The following PHACTR2 variants were observed in gnomAD, a reference collection of about 807,000 sequenced individuals.
The protein encoded by PHACTR2 is chromosome 6 open reading frame 56.
A neutral mutation model predicts 76.0 loss-of-function variants in PHACTR2; 30 were observed. The ratio of observed to expected loss-of-function variants is 0.39; its 90% CI spans 0.30 to 0.54. PHACTR2 has a LOEUF of 0.54. Among genes scored for constraint, PHACTR2 ranks in the 20% least tolerant of loss-of-function variants. PHACTR2 has a pLI of 0.61. For synonymous variants in PHACTR2, 292 were observed against 292.5 expected (o/e 1.00, Z 0.02); for missense variants, 696 against 781.1 (o/e 0.89, Z 1.30).
intron 1 of PHACTR2, among the ~76,000 whole-genome samples, chr6:143,563,697 T>C (rs1775317048): frequency 6.6e-6 from 1 of 151,972 alleles, no homozygotes; most frequent in Non-Finnish European, 1.5e-5. Flanking sequence ...TTCCTAACAT[T>C]AAAATATATT....
At chr6:143,741,622 G>A (rs897967690) in intron 2 of PHACTR2, among the ~76,000 whole-genome samples, 2 of 152,124 alleles carry the variant, frequency 1.3e-5, no homozygotes, top group Non-Finnish European at 2.9e-5. Flanking sequence ...CAGATTTCTG[G>A]GTGAAATTGC....
At position 143,788,756 on chromosome 6, in the gene PHACTR2, T is replaced by C. The variant is rs749801705; in HGVS notation, c.1708-17T>C. 1 of 1,602,476 alleles carries C rather than the reference T, an allele frequency of 6.2e-7. No homozygotes were observed. The highest frequency in any genetic ancestry group is 8.5e-7 in the Non-Finnish European group (1 of 1,171,524). ...AGTGGTTTACTGAACTCTGCCTTTT[T>C]CCTTGTCCTCCTGCAGCTCAGCCTG... is the stretch of plus-strand genomic sequence containing the variant. On this transcript the variant is annotated splice_polypyrimidine_tract_variant and intron_variant, in intron 10 of 12. Transcript: ENST00000440869.
At chr6:143,778,804 A>G (rs1295513684) in intron 9 of PHACTR2, among the ~76,000 whole-genome samples, 1 of 152,188 alleles carries the variant, frequency 6.6e-6, no homozygotes, top group African/African-American at 2.4e-5. Context: ...AAAAGGGAAG[A>G]GCACATTTTG....
intron 1 of PHACTR2, among the ~76,000 whole-genome samples, chr6:143,572,984 A>G (rs1775464460): frequency 6.6e-6 from 1 of 152,284 alleles, no homozygotes; most frequent in Non-Finnish European, 1.5e-5. Flanking sequence ...AAAATAAAAA[A>G]TGAAATGTTT....
rs1775073344 is a variant in PHACTR2, at chr6:143,550,169, A to G, written c.217+12962A>G. On this transcript the variant is annotated intron_variant, in intron 1 of 11. Coordinates refer to the PHACTR2 transcript ENST00000367584. This position sits in a 1 kb window ranked among gnomAD's most constrained non-coding sequence, Gnocchi z 4.8. ...ATGTAGCATTTCTCATATCTAATGT[A>G]GACTTTCTCATACACATTCTAACAT... Among the ~76,000 whole-genome samples the G allele has an allele frequency of 1.3e-5, 2 of 152,060 alleles. 1 individual carries two copies. Among genetic ancestry groups the G allele is most frequent in the Non-Finnish European group, 2.9e-5 (2 of 67,966 alleles).
rs1776076524 is a variant in PHACTR2 at position 143,806,828 on chromosome 6, A to G, written c.1846-229A>G. Among the ~76,000 whole-genome samples the G allele has an allele frequency of 6.6e-6, 1 of 152,048 alleles. No individual in the cohort carries two copies. The highest frequency in any genetic ancestry group is 1.5e-5 in the Non-Finnish European group (1 of 68,000). The stretch of plus-strand genomic sequence containing the variant: ...AAAAATTAGCTGAGCATGGTGGCGC[A>G]CACCTGTAATCCGAGCTACTGGGAA... On this transcript the variant is annotated intron_variant, in intron 11 of 12. Transcript: ENST00000440869. The surrounding 1 kb of genome is among the most constrained non-coding windows in gnomAD (Gnocchi z 5.8).
rs1037958379 is a variant in PHACTR2, at chr6:143,764,898, C to G, written c.695-363C>G. On this transcript the variant is annotated intron_variant, in intron 5 of 12. Transcript: ENST00000440869. The surrounding 1 kb of genome is among the most constrained non-coding windows in gnomAD (Gnocchi z 4.7). ...GCTACACCCAGCTAGCTGCTGATGTCTGTCCTTTACGCACCATAACATTCC... is the reference window on the plus strand; with the variant it reads ...GCTACACCCAGCTAGCTGCTGATGTGTGTCCTTTACGCACCATAACATTCC... Among the ~76,000 whole-genome samples the G allele has an allele frequency of 2.6e-5, 4 of 152,196 alleles. No individual in the cohort carries two copies. The highest frequency in any genetic ancestry group is 5.9e-5 in the Non-Finnish European group (4 of 68,032).
chr6:143,717,185 T>G lies in PHACTR2; in HGVS notation c.214+5002T>G, dbSNP rs1324049984. Among the ~76,000 whole-genome samples the G allele has an allele frequency of 3.3e-5, 5 of 152,166 alleles. No homozygotes were observed. In the East Asian group the frequency reaches 9.6e-4, roughly 29 times the overall value. Reference sequence around the variant, plus strand: ...CTTCTTGGTCCCTTGGCTTTTCTTCTTGCTCTCTCCTGTTCCTATGAGCAC... The same window carrying G: ...CTTCTTGGTCCCTTGGCTTTTCTTCGTGCTCTCTCCTGTTCCTATGAGCAC... On this transcript the variant is annotated intron_variant, in intron 2 of 12. Coordinates refer to ENST00000440869, the MANE Select transcript of PHACTR2 (RefSeq NM_001100164.2).
rs191123213 is a variant in PHACTR2, at chr6:143,591,997, T to G, written c.217+54790T>G. Among the ~76,000 whole-genome samples, 492 of 152,262 alleles carry G rather than the reference T, an allele frequency of 3.2e-3. 1 individual carries two copies. Among genetic ancestry groups the G allele is most frequent in the Non-Finnish European group, 5.5e-3 (372 of 68,012 alleles). ...AGCCTGGGCATGGCTGTTTGTGGGT[T>G]GTGTTGACAGAAGTGCATTTGTGGA... On this transcript the variant is annotated intron_variant, in intron 1 of 11. Coordinates refer to the PHACTR2 transcript ENST00000367584. The surrounding 1 kb of genome is among the most constrained non-coding windows in gnomAD (Gnocchi z 6.4).
intron 2 of PHACTR2, among the ~76,000 whole-genome samples, chr6:143,715,474 A>G (rs746312778): frequency 1.3e-5 from 2 of 152,212 alleles, no homozygotes; most frequent in Non-Finnish European, 2.9e-5. Context: ...CCTGATGGGT[A>G]GCACTATTTG....
intron 9 of PHACTR2, among the ~76,000 whole-genome samples, chr6:143,781,951 G>T (rs1562305388): frequency 6.6e-6 from 1 of 152,102 alleles, no homozygotes; most frequent in Non-Finnish European, 1.5e-5. Context: ...GAAGAACATA[G>T]AAACTTTTCC....
At chr6:143,545,626 C>G (rs1260049379) in intron 1 of PHACTR2, among the ~76,000 whole-genome samples, 1 of 152,126 alleles carries the variant, frequency 6.6e-6, no homozygotes, top group Admixed American at 6.5e-5. Flanking sequence ...GTCCCTCAGG[C>G]AGCAGGGAAG....
In PHACTR2 at chr6:143,730,808, C is replaced by T. The variant is rs1021586771; in HGVS notation, c.215-18177C>T. ...TGTGGCCCAGGCTGGAGTGCAGTGGCGCGATCTCGGCTCACTGTAACCTCC... is the reference window on the plus strand; with the variant it reads ...TGTGGCCCAGGCTGGAGTGCAGTGGTGCGATCTCGGCTCACTGTAACCTCC... On this transcript the variant is annotated intron_variant, in intron 2 of 12. Transcript: ENST00000440869. The surrounding 1 kb of genome is among the most constrained non-coding windows in gnomAD (Gnocchi z 4.8). Among the ~76,000 whole-genome samples, 1 of 152,152 alleles carries T rather than the reference C, an allele frequency of 6.6e-6. No homozygotes were observed. The highest frequency in any genetic ancestry group is 6.5e-5 in the Admixed American group (1 of 15,274).
chr6:143,742,379 AG>A lies in PHACTR2; in HGVS notation c.215-6604del, dbSNP rs1393255824. ...GTTAACTTCAGTTCTCCTCTTGCGG[AG>A]GCAAGGTGGCCACTAGCCACTCTTG... On this transcript the variant is annotated intron_variant, in intron 2 of 12. Transcript: ENST00000440869. The surrounding 1 kb of genome is among the most constrained non-coding windows in gnomAD (Gnocchi z 4.5). Among the ~76,000 whole-genome samples the A allele has an allele frequency of 3.3e-5, 5 of 152,128 alleles. No homozygotes were observed. In the East Asian group the frequency reaches 7.7e-4, roughly 23 times the overall value.
chr6:143,725,363 G>T (rs1346193717), intron 2 of PHACTR2, among the ~76,000 whole-genome samples: 1 of 150,674 alleles, frequency 6.6e-6, no homozygotes, highest in Non-Finnish European at 1.5e-5. Flanking sequence ...ACCATACCCG[G>T]CTAATTTTTT....
chr6:143,695,858 C>T lies in PHACTR2; in HGVS notation c.47-16158C>T, dbSNP rs1277244376. ...GTAAAATGCAACTTCCTGTGTTTAG[C>T]AGCCGTAGCAACACATCTTATACGG... On this transcript the variant is annotated intron_variant, in intron 1 of 12. Coordinates refer to ENST00000440869, the MANE Select transcript of PHACTR2 (RefSeq NM_001100164.2). This position sits in a 1 kb window ranked among gnomAD's most constrained non-coding sequence, Gnocchi z 4.4. Among the ~76,000 whole-genome samples, 2 of 152,196 alleles carry T rather than the reference C, an allele frequency of 1.3e-5. No individual in the cohort carries two copies. Among genetic ancestry groups the T allele is most frequent in the Non-Finnish European group, 2.9e-5 (2 of 68,040 alleles).
At position 143,780,998 on chromosome 6, in the gene PHACTR2, A is replaced by C. The variant is rs1216678711; in HGVS notation, c.1646-2221A>C. Reference sequence around the variant, plus strand: ...ATGACTGTTTAATAAGATTCAGAGAAGCTGTCATGGTAGCTCATGCTGGTA... The same window carrying C: ...ATGACTGTTTAATAAGATTCAGAGACGCTGTCATGGTAGCTCATGCTGGTA... On this transcript the variant is annotated intron_variant, in intron 9 of 12. Transcript: ENST00000440869. This position sits in a 1 kb window ranked among gnomAD's most constrained non-coding sequence, Gnocchi z 4.4. Among the ~76,000 whole-genome samples the C allele has an allele frequency of 6.6e-6, 1 of 152,228 alleles. No individual in the cohort carries two copies. Among genetic ancestry groups the C allele is most frequent in the Non-Finnish European group, 1.5e-5 (1 of 68,034 alleles).
chr6:143,687,794 C>A (rs950299509), intron 1 of PHACTR2, among the ~76,000 whole-genome samples: 7 of 152,144 alleles, frequency 4.6e-5, no homozygotes, highest in African/African-American at 1.2e-4. Flanking sequence ...TTAAGAATAT[C>A]CTGGAAAGCT....
In PHACTR2 at chr6:143,800,777, T is replaced by A. The variant is rs144502756; in HGVS notation, c.1846-6280T>A. ...TTATTTTGCCCGTTAGTTGATGCAG[T>A]TTCTTCCTAGCATCAGTGGTCTTTA... On this transcript the variant is annotated intron_variant, in intron 11 of 12. Transcript: ENST00000440869. The surrounding 1 kb of genome is among the most constrained non-coding windows in gnomAD (Gnocchi z 4.8). Among the ~76,000 whole-genome samples, 5 of 152,354 alleles carry A rather than the reference T, an allele frequency of 3.3e-5. No homozygotes were observed. Among genetic ancestry groups the A allele is most frequent in the Non-Finnish European group, 7.3e-5 (5 of 68,040 alleles).
Sources: gnomAD v4.1 joint callset for allele counts (sites outside exome capture counted in the v4.1 genomes callset) on GRCh38, gnomAD v4.1.1 for gene constraint, Gnocchi (gnomAD v3.1) non-coding constraint, MANE v1.5 for transcripts, NCBI Gene and HGNC (gene_info 2026-07-23, HGNC 2026-07-21) for gene names.